Variants in ATP2C1 observed in about 807,000 individuals in gnomAD.
The protein encoded by ATP2C1 is ATPase secretory pathway Ca2+ transporting 1.
ATP2C1 carries 31 observed loss-of-function variants against 120.5 expected under a neutral mutation model. The ratio of observed to expected loss-of-function variants is 0.26; its 90% CI spans 0.19 to 0.35. ATP2C1 has a LOEUF of 0.35. ATP2C1 is among the 10% of genes least tolerant of loss of function. The pLI is 1.00. For synonymous variants in ATP2C1, 351 were observed against 358.7 expected (o/e 0.98, Z 0.24); for missense variants, 731 against 1,107.5 (o/e 0.66, Z 4.83).
chr3:130,968,549 A>C (rs1248467056), intron 16 of ATP2C1, among the ~76,000 whole-genome samples: 1 of 152,166 alleles, frequency 6.6e-6, no homozygotes, highest in Non-Finnish European at 1.5e-5. Flanking sequence ...GGAATAAAAG[A>C]GCATAGAGTT....
chr3:130,960,399 A>T (rs1349447958), intron 12 of ATP2C1, among the ~76,000 whole-genome samples: 1 of 152,184 alleles, frequency 6.6e-6, no homozygotes, highest in African/African-American at 2.4e-5. Flanking sequence ...CTCGTGTTCT[A>T]TGAGAGACGT....
Position 130,937,418 on chromosome 3 carries a change from T to G in ATP2C1, c.325-10T>G. The stretch of plus-strand genomic sequence containing the variant: ...AATGTCTGATTTAAAAGCCTGTTTC[T>G]TTTGTTTAGGCAATACTTATCGTTG... On this transcript the variant is annotated splice_polypyrimidine_tract_variant and intron_variant, in intron 5 of 27. Coordinates refer to ENST00000510168, the MANE Select transcript of ATP2C1 (RefSeq NM_001378687.1). 1 of 1,612,780 alleles carries G rather than the reference T, an allele frequency of 6.2e-7. No homozygotes were observed. Among genetic ancestry groups the G allele is most frequent in the Non-Finnish European group, 8.5e-7 (1 of 1,178,776 alleles).
At position 131,002,719 on chromosome 3, in the gene ATP2C1, CTGTCAGGA is replaced by C. The variant is rs1238533117; in HGVS notation, c.*1372_*1379del. 25 of 985,266 alleles carry C rather than the reference CTGTCAGGA, an allele frequency of 2.5e-5. No individual in the cohort carries two copies. Among genetic ancestry groups the C allele is most frequent in the Non-Finnish European group, 3.0e-5 (25 of 829,898 alleles). The allele number at this position is 985,266 out of a possible 1,614,324, so 61.0% of individuals were successfully genotyped here. Reference sequence around the variant, plus strand: ...GCCAATAAGTTTTATCTTTTATAATCTGTCAGGATGAACCACTCCTTAGCTTTTATCCA... The same window carrying C: ...GCCAATAAGTTTTATCTTTTATAATCTGAACCACTCCTTAGCTTTTATCCA... On this transcript the variant is annotated 3_prime_UTR_variant, in exon 28 of 28. Transcript: ENST00000510168.
Position 130,979,332 on chromosome 3 carries a change from G to C in ATP2C1, c.1654G>C (p.Val552Leu). ...AATCATTGATCCACCTAGAACTGGT[G>C]TGAAAGAAGCTGTTACAACACTCAT... ...VGIIDPPRTGVKEAVTTLIAS... is the reference protein window; with the variant it reads ...VGIIDPPRTGLKEAVTTLIAS... Residue 552 changes from valine (V) to leucine (L), a missense_variant, in exon 19 of 28, where the codon GTG becomes CTG. Around this residue, in one of 3 missense-constraint regions of ATP2C1, gnomAD observed 571 missense variants for 845.9 expected, o/e 0.67. Transcript: ENST00000510168. The C allele has an allele frequency of 6.2e-7, 1 of 1,613,662 alleles. No individual in the cohort carries two copies. The highest frequency in any genetic ancestry group is 2.2e-5 in the East Asian group (1 of 44,824).
intron 23 of ATP2C1, 112 bp downstream of exon 23, chr3:130,996,223 C>T (rs2062615687): frequency 1.2e-6 from 1 of 832,980 alleles, no homozygotes; most frequent in South Asian, 1.4e-5. Context: ...GAGCATTGTT[C>T]ATATGTCAGT....
chr3:130,915,860 A>T (rs992479618), intron 2 of ATP2C1, among the ~76,000 whole-genome samples: 3 of 152,156 alleles, frequency 2.0e-5, no homozygotes, highest in African/African-American at 7.2e-5. Flanking sequence ...TTTAGATTTT[A>T]TATTTAGCCA....
intron 1 of ATP2C1, among the ~76,000 whole-genome samples, chr3:130,867,767 G>A: frequency 3.8e-5 from 1 of 26,148 alleles, no homozygotes; most frequent in African/African-American, 8.6e-5. Flanking sequence ...TGGGATATGA[G>A]GAGCCCCCTC....
In ATP2C1 at chr3:130,883,571, C is replaced by T. The variant is rs1013913176; in HGVS notation, c.108+32643C>T. Among the ~76,000 whole-genome samples the T allele has an allele frequency of 2.6e-5, 4 of 151,846 alleles. 1 individual carries two copies. Among genetic ancestry groups the T allele is most frequent in the South Asian group, 4.2e-4 (2 of 4,818 alleles). ...GGCTCATGCAATTCTTCTGCCTCAG[C>T]CTCCCAAATAGCTGGGATTGTAGGC... On this transcript the variant is annotated intron_variant, in intron 1 of 26. Transcript: ENST00000504381.
chr3:130,939,034 T>A (rs1189048251), intron 6 of ATP2C1, among the ~76,000 whole-genome samples: 3 of 152,212 alleles, frequency 2.0e-5, no homozygotes, highest in Admixed American at 1.3e-4. Context: ...CACAAAAGGA[T>A]GAAAACTTTA....
intron 2 of ATP2C1, among the ~76,000 whole-genome samples, chr3:130,922,051 A>G (rs571147328): frequency 6.6e-6 from 1 of 152,224 alleles, no homozygotes; most frequent in African/African-American, 2.4e-5. Context: ...ATTTCTTTGA[A>G]TGTCTGAAAT....
At chr3:130,977,621 T>C (rs2108759438) in intron 18 of ATP2C1, among the ~76,000 whole-genome samples, 1 of 152,328 alleles carries the variant, frequency 6.6e-6, no homozygotes. Flanking sequence ...ATTCTTTTCA[T>C]ATGAAGGATT....
chr3:130,872,785 A>T (rs530759006), intron 1 of ATP2C1, among the ~76,000 whole-genome samples: 1 of 152,088 alleles, frequency 6.6e-6, no homozygotes, highest in South Asian at 2.1e-4. Flanking sequence ...GAGTTTCACC[A>T]TTTTGGCCAG....
intron 11 of ATP2C1, 64 bp from the exon 12 acceptor site, chr3:130,959,210 CT>C: frequency 8.2e-7 from 1 of 1,224,302 alleles, no homozygotes; most frequent in African/African-American, 1.5e-5. Flanking sequence ...ATTCCTTCAG[CT>C]TGTTCTGTTC....
intron 2 of ATP2C1, among the ~76,000 whole-genome samples, chr3:130,910,975 G>T (rs1465997884): frequency 7.3e-4 from 107 of 145,650 alleles, no homozygotes; most frequent in Non-Finnish European, 1.4e-3. Context: ...AATGAGTTAG[G>T]GAGGATTCCC....
chr3:130,882,580 A>C (rs1346572377), intron 1 of ATP2C1, among the ~76,000 whole-genome samples: 1 of 152,170 alleles, frequency 6.6e-6, no homozygotes, highest in African/African-American at 2.4e-5. Context: ...GTTAAATTTT[A>C]TCAAGTGGTT....
intron 2 of ATP2C1, among the ~76,000 whole-genome samples, chr3:130,914,848 A>T (rs1429364799): frequency 6.6e-6 from 1 of 152,228 alleles, no homozygotes; most frequent in Non-Finnish European, 1.5e-5. Context: ...CATGGGGAAC[A>T]TAGATTTCAA....
chr3:131,007,691 T>G (rs1267608220), downstream of ATP2C1, among the ~76,000 whole-genome samples: 1 of 152,244 alleles, frequency 6.6e-6, no homozygotes, highest in African/African-American at 2.4e-5. Context: ...AAGTTTTCTC[T>G]GATAAGTATA....
intron 1 of ATP2C1, among the ~76,000 whole-genome samples, chr3:130,883,107 T>C (rs1044270710): frequency 1.3e-5 from 2 of 152,226 alleles, no homozygotes; most frequent in Non-Finnish European, 2.9e-5. Flanking sequence ...ACCCATTTCT[T>C]CTAAATTTTC....
At chr3:130,964,899 A>G (rs772475982) in intron 13 of ATP2C1, 49 bp from the exon 14 acceptor site, 57 of 1,378,456 alleles carry the variant, frequency 4.1e-5, no homozygotes, top group Middle Eastern at 4.2e-4. Context: ...AAGTGAACCT[A>G]TATTTCTCCT....
Sources: gnomAD v4.1 joint callset for allele counts (sites outside exome capture counted in the v4.1 genomes callset) on GRCh38, gnomAD v4.1.1 for gene constraint, gnomAD v4.1.1 regional missense constraint, MANE v1.5 for transcripts, NCBI Gene and HGNC (gene_info 2026-07-23, HGNC 2026-07-21) for gene names.